PACS1: variants seen among roughly 807,000 people sequenced by gnomAD.
The protein encoded by PACS1 is phosphofurin acidic cluster sorting protein 1.
A neutral mutation model predicts 115.0 loss-of-function variants in PACS1; 24 were observed. That is an observed-to-expected ratio of 0.21 (90% CI 0.15 to 0.29). The LOEUF is 0.29. PACS1 is among the 10% of genes least tolerant of loss of function. The probability of loss-of-function intolerance (pLI) is 1.00; values close to 1 mark genes in which losing one functional copy is unlikely to be tolerated. For missense variants in PACS1, 838 were observed against 1,251.2 expected (o/e 0.67, Z 4.98); for synonymous variants, 453 against 504.5 (o/e 0.90, Z 1.37).
Position 66,232,193 on chromosome 11 carries a change from G to T in PACS1, c.1648G>T (p.Asp550Tyr). ...STQIPRKVVYDQLNQILVSDA... is the reference protein window; with the variant it reads ...STQIPRKVVYYQLNQILVSDA... ...GCAGATTCCAAGAAAGGTGGTGTAT[G>T]ACCAGCTCAATCAGATCCTGGTGTC... Residue 550 changes from aspartate to tyrosine, a missense_variant, in exon 14 of 24, where the codon GAC (aspartate) becomes TAC (tyrosine). Coordinates refer to ENST00000320580, the MANE Select transcript of PACS1 (RefSeq NM_018026.4). The T allele has an allele frequency of 6.2e-7, 1 of 1,612,516 alleles. No homozygotes were observed. The highest frequency in any genetic ancestry group is 1.1e-5 in the South Asian group (1 of 91,042).
chr11:66,194,124 C>T (rs1245459172), intron 2 of PACS1, among the ~76,000 whole-genome samples: 6 of 152,030 alleles, frequency 3.9e-5, no homozygotes, highest in East Asian at 1.9e-4. Flanking sequence ...CCACCACGCC[C>T]GGCTAATTTT....
chr11:66,070,917 G>A lies in PACS1; in HGVS notation c.356+75G>A. On this transcript the variant is annotated intron_variant, in intron 1 of 23. Coordinates refer to ENST00000320580, the MANE Select transcript of PACS1 (RefSeq NM_018026.4). The surrounding 1 kb of genome is among the most constrained non-coding windows in gnomAD (Gnocchi z 5.9). ...GGGGCCCAGCCCTCCCCGCCCCAGCGCCCATGGGGTCCCCGCCCTCCATCT... is the reference window on the plus strand; with the variant it reads ...GGGGCCCAGCCCTCCCCGCCCCAGCACCCATGGGGTCCCCGCCCTCCATCT... 1 of 1,319,314 alleles carries A rather than the reference G, an allele frequency of 7.6e-7. No homozygotes were observed. Among genetic ancestry groups the A allele is most frequent in the Non-Finnish European group, 9.7e-7 (1 of 1,029,090 alleles). 81.7% of individuals were successfully genotyped at this position (1,319,314 alleles called of 1,614,324 possible). A position where few individuals can be genotyped will look rare whatever the true frequency, so the allele number is the denominator to read the frequency against.
intron 1 of PACS1, among the ~76,000 whole-genome samples, chr11:66,186,025 G>A (rs1242928287): frequency 6.6e-6 from 1 of 152,128 alleles, no homozygotes. Context: ...TCAGCACTTT[G>A]GGAGGCCGAG....
At chr11:66,074,260 A>T (rs910163203) in intron 1 of PACS1, among the ~76,000 whole-genome samples, 1 of 152,138 alleles carries the variant, frequency 6.6e-6, no homozygotes, top group Non-Finnish European at 1.5e-5. Context: ...TAGTTCCTTT[A>T]TCTTTTATGA....
At chr11:66,142,418 G>A (rs1011825315) in intron 1 of PACS1, among the ~76,000 whole-genome samples, 3 of 151,764 alleles carry the variant, frequency 2.0e-5, no homozygotes, top group African/African-American at 4.8e-5. Flanking sequence ...TGATCCTCAC[G>A]CCTGATCCTT....
intron 2 of PACS1, among the ~76,000 whole-genome samples, chr11:66,198,522 A>G (rs1396450001): frequency 4.1e-5 from 6 of 146,632 alleles, no homozygotes; most frequent in Admixed American, 4.1e-4. Flanking sequence ...CACATATTGT[A>G]TGATTCCATT....
chr11:66,220,841 A>G (rs1312812261), intron 9 of PACS1, 50 bp downstream of exon 9: 1 of 1,585,312 alleles, frequency 6.3e-7, no homozygotes, highest in African/African-American at 1.4e-5. Flanking sequence ...TCCTGGCCAT[A>G]GCAGTCTCCT....
At position 66,070,518 on chromosome 11, in the gene PACS1, C is replaced by A. The variant is rs1857287935; in HGVS notation, c.32C>A (p.Pro11His). 1.5e-6 allele frequency: 2 copies of A among 1,321,702 alleles called. No homozygotes were observed. The highest frequency in any genetic ancestry group is 1.9e-6 in the Non-Finnish European group (2 of 1,044,848). 81.9% of individuals were successfully genotyped at this position (1,321,702 alleles called of 1,614,324 possible). The part of the protein sequence containing the change: MAERGGAGGG[P>H]GGAGGGSGQR... ...GAACGCGGAGGGGCGGGCGGTGGTC[C>A]CGGAGGCGCCGGGGGCGGCAGCGGC... The change falls in exon 1 of 24, where the codon CCC (proline) becomes CAC (histidine). Residue 11 changes from proline to histidine, a missense_variant. By Grantham distance (77) the Pro-to-His change is moderately conservative. This residue lies in a region of PACS1 where 15 missense variants were observed against 39.0 expected (regional missense o/e 0.38). Coordinates refer to ENST00000320580, the MANE Select transcript of PACS1 (RefSeq NM_018026.4). This position sits in a 1 kb window ranked among gnomAD's most constrained non-coding sequence, Gnocchi z 5.9.
chr11:66,170,886 G>A (rs1590794224), intron 1 of PACS1, among the ~76,000 whole-genome samples: 1 of 144,870 alleles, frequency 6.9e-6, no homozygotes, highest in South Asian at 2.1e-4. Context: ...CTCCAGCCTG[G>A]TTGACAGAAA....
At chr11:66,153,762 C>CA (rs1207967308) in intron 1 of PACS1, among the ~76,000 whole-genome samples, 2 of 152,114 alleles carry the variant, frequency 1.3e-5, no homozygotes, top group Admixed American at 6.5e-5. Context: ...GCCTGGGTGA[C>CA]AGAGCGAGAC....
chr11:66,167,831 A>T (rs1245057820), intron 1 of PACS1, among the ~76,000 whole-genome samples: 1 of 149,810 alleles, frequency 6.7e-6, no homozygotes, highest in South Asian at 2.1e-4. Context: ...TGGGCACTCT[A>T]TTCTGTTTCA....
chr11:66,195,501 G>C (rs1355806417), intron 2 of PACS1, among the ~76,000 whole-genome samples: 2 of 152,148 alleles, frequency 1.3e-5, no homozygotes, highest in East Asian at 3.8e-4. Flanking sequence ...CGACACCATT[G>C]GGGTGGTTTT....
intron 19 of PACS1, among the ~76,000 whole-genome samples, chr11:66,237,192 C>T (rs1376705528): frequency 1.3e-5 from 2 of 152,226 alleles, no homozygotes; most frequent in African/African-American, 4.8e-5. Context: ...GCTGGGATTA[C>T]AGGCTTGAGC....
At position 66,153,609 on chromosome 11, in the gene PACS1, G is replaced by A. The variant is rs546305077; in HGVS notation, c.357-39877G>A. On this transcript the variant is annotated intron_variant, in intron 1 of 23. Transcript: ENST00000320580. ...ATCCTGGCTAACACGGTGAAACCCC[G>A]TCTCTACCAAAAATACAAAAAAATT... Among the ~76,000 whole-genome samples the A allele has an allele frequency of 1.1e-3, 170 of 152,130 alleles. 1 individual carries two copies. Among genetic ancestry groups the A allele is most frequent in the East Asian group, 8.1e-3 (42 of 5,168 alleles).
intron 7 of PACS1, chr11:66,218,538 A>G (rs1855266115): frequency 6.6e-6 from 1 of 152,174 alleles, no homozygotes; most frequent in African/African-American, 2.4e-5. Context: ...GGATTTGGGG[A>G]AAATTTTTAT....
Position 66,127,475 on chromosome 11 carries a change from G to A in PACS1, c.356+56633G>A, listed in dbSNP as rs577841227. On this transcript the variant is annotated intron_variant, in intron 1 of 23. Transcript: ENST00000320580. ...ACCGCCTGGTCCTCCTCACTCATAC[G>A]TGCTGTCTGTGTGCAGGGTGCTCAT... Among the ~76,000 whole-genome samples, 14 of 152,338 alleles carry A rather than the reference G, an allele frequency of 9.2e-5. No homozygotes were observed. The South Asian group carries it at 2.9e-3, about 32-fold the overall frequency.
At chr11:66,173,554 CAA>C (rs1328130761) in intron 1 of PACS1, among the ~76,000 whole-genome samples, 1 of 150,768 alleles carries the variant, frequency 6.6e-6, no homozygotes, top group African/African-American at 2.4e-5. Context: ...CTAAAAAATA[CAA>C]AAAATTAGCT....
At chr11:66,124,441 A>G (rs1858524845) in intron 1 of PACS1, among the ~76,000 whole-genome samples, 2 of 152,192 alleles carry the variant, frequency 1.3e-5, no homozygotes, top group African/African-American at 4.8e-5. Flanking sequence ...TAAAGACAGT[A>G]TTTTAAGTCA....
chr11:66,214,654 C>G (rs915645842), intron 4 of PACS1, among the ~76,000 whole-genome samples: 4 of 129,888 alleles, frequency 3.1e-5, no homozygotes, highest in African/African-American at 1.1e-4. Context: ...TAGAGTCTCA[C>G]TCTGTCACCC....
Sources: allele counts gnomAD v4.1 joint callset (sites outside exome capture counted in the v4.1 genomes callset), GRCh38; gene constraint gnomAD v4.1.1; regional missense constraint gnomAD v4.1.1; non-coding constraint Gnocchi (gnomAD v3.1); transcripts MANE v1.5; gene names NCBI Gene and HGNC (gene_info 2026-07-23, HGNC 2026-07-21).